The following USF3 variants were observed in gnomAD, a reference collection of about 807,000 sequenced individuals.
USF3 encodes the protein basic helix-loop-helix domain-containing protein USF3.
Under a neutral mutation model 157.5 loss-of-function variants are expected in USF3, and 29 were observed. That is an observed-to-expected ratio of 0.18 (90% CI 0.14 to 0.25). The LOEUF is 0.25. USF3 is among the 10% of genes least tolerant of loss of function. USF3 has a pLI of 1.00. For synonymous variants in USF3, 893 were observed against 941.4 expected, an observed-to-expected ratio of 0.95 and a Z score of 0.94; for missense variants, 2,381 against 2,667.6, an observed-to-expected ratio of 0.89 and a Z score of 2.37.
intron 5 of USF3, among the ~76,000 whole-genome samples, chr3:113,667,227 T>C (rs1218830289): frequency 1.3e-5 from 2 of 152,240 alleles, no homozygotes; most frequent in African/African-American, 2.4e-5. Context: ...AACAATAATC[T>C]GAACAAAGGC....
At position 113,674,879 on chromosome 3, in the gene USF3, G is replaced by T; in HGVS notation, c.-1C>A. ...TCTCATTCTCTGTCATTTCTGGCAT[G>T]GTTACAGTAATAGGAACCTACAGAA... On this transcript the variant is annotated 5_prime_UTR_variant, in exon 3 of 7. Coordinates refer to ENST00000316407, the MANE Select transcript of USF3 (RefSeq NM_001009899.4). 6.2e-7 allele frequency: 1 copy of T among 1,611,760 alleles called. No individual in the cohort carries two copies. The highest frequency in any genetic ancestry group is 8.5e-7 in the Non-Finnish European group (1 of 1,177,956).
At chr3:113,689,439 C>A (rs932811054) in intron 1 of USF3, among the ~76,000 whole-genome samples, 4 of 152,134 alleles carry the variant, frequency 2.6e-5, no homozygotes, top group African/African-American at 4.8e-5. Flanking sequence ...CTACATTTAC[C>A]GTAAATCCTA....
intron 1 of USF3, among the ~76,000 whole-genome samples, chr3:113,690,580 CTCT>C (rs1215879609): frequency 6.6e-6 from 1 of 152,186 alleles, no homozygotes; most frequent in Non-Finnish European, 1.5e-5. Flanking sequence ...CCCTTCCCTC[CTCT>C]TCAATTCAGA....
rs10686146 is a variant in USF3 at position 113,671,765 on chromosome 3, CTTT to C, written c.77-1565_77-1563del. 7.2e-3 allele frequency among the ~76,000 whole-genome samples: 816 copies of C among 113,068 alleles called. 3 individuals carry two copies. Among genetic ancestry groups the C allele is most frequent in the African/African-American group, 0.026 (754 of 29,426 alleles). 74.2% of individuals were successfully genotyped at this position (113,068 alleles called of 152,430 possible). A position where few individuals can be genotyped will look rare whatever the true frequency, so the allele number is the denominator to read the frequency against. On this transcript the variant is annotated intron_variant, in intron 4 of 6. Coordinates refer to ENST00000316407, the MANE Select transcript of USF3 (RefSeq NM_001009899.4). ...TTTCTCCTTTTTTCTTTTCTTCTTC[CTTT>C]TTTTTTTTTTTTTTTTTTGAGACAA...
chr3:113,670,504 C>G (rs1298186847), intron 4 of USF3, among the ~76,000 whole-genome samples: 1 of 151,916 alleles, frequency 6.6e-6, no homozygotes, highest in Admixed American at 6.6e-5. Context: ...GAGGCTGAGG[C>G]AGGAGAATTG....
At chr3:113,682,832 A>G (rs762565957) in intron 1 of USF3, among the ~76,000 whole-genome samples, 23 of 145,558 alleles carry the variant, frequency 1.6e-4, no homozygotes, top group Non-Finnish European at 1.5e-4. Context: ...TTTTCAGTCT[A>G]TGTGTGTCTG....
intron 1 of USF3, among the ~76,000 whole-genome samples, chr3:113,681,868 G>A (rs1365516125): frequency 6.7e-6 from 1 of 149,592 alleles, no homozygotes; most frequent in Non-Finnish European, 1.5e-5. Flanking sequence ...ACAGGTACCT[G>A]CCACCACGCC....
chr3:113,695,005 A>G (rs1707768670), intron 1 of USF3, among the ~76,000 whole-genome samples: 1 of 152,160 alleles, frequency 6.6e-6, no homozygotes, highest in Non-Finnish European at 1.5e-5. Context: ...AGATAACACC[A>G]CTGCATTCCA....
chr3:113,690,291 G>A (rs572977327), intron 1 of USF3, among the ~76,000 whole-genome samples: 30 of 152,160 alleles, frequency 2.0e-4, no homozygotes, highest in Admixed American at 9.8e-4. Flanking sequence ...CATTTTACAC[G>A]TCTGGCCTTA....
In USF3 at chr3:113,660,265, A is replaced by G. The variant is rs1947458544; in HGVS notation, c.1417T>C (p.Tyr473His). The change falls in exon 7 of 7, where the codon TAT (tyrosine) becomes CAT (histidine). Residue 473 changes from tyrosine to histidine, a missense_variant. Tyr to His is a moderately conservative substitution (Grantham distance 83). This residue lies in a region of USF3 where 1,435 missense variants were observed against 1,550.9 expected (regional missense o/e 0.93). Transcript: ENST00000316407. ...TTCAAGTTGATGTCTGTAGCCACATATCTACTGTGGTTGCTTGTGGTGGGG... is the reference window on the plus strand; with the variant it reads ...TTCAAGTTGATGTCTGTAGCCACATGTCTACTGTGGTTGCTTGTGGTGGGG... ...TSPTTSNHSRYVATDINLNNS... is the reference protein window; with the variant it reads ...TSPTTSNHSRHVATDINLNNS... 2 of 1,613,842 alleles carry G rather than the reference A, an allele frequency of 1.2e-6. No homozygotes were observed. Among genetic ancestry groups the G allele is most frequent in the African/African-American group, 2.7e-5 (2 of 74,890 alleles).
At chr3:113,667,614 C>T (rs1947590164) in intron 5 of USF3, among the ~76,000 whole-genome samples, 1 of 152,146 alleles carries the variant, frequency 6.6e-6, no homozygotes, top group Non-Finnish European at 1.5e-5. Flanking sequence ...GCATTGTAAT[C>T]CCAGCACTTT....
intron 1 of USF3, among the ~76,000 whole-genome samples, chr3:113,686,975 C>T (rs996853291): frequency 5.3e-5 from 8 of 152,060 alleles, no homozygotes; most frequent in East Asian, 1.9e-4. Flanking sequence ...CTAGCCCACA[C>T]GCAAAGCGAG....
rs1947370440 is a variant in USF3, at chr3:113,656,902, T to G, written c.4780A>C (p.Asn1594His). Residue 1594 changes from asparagine to histidine, a missense_variant, in exon 7 of 7, where the codon AAC becomes CAC. By Grantham distance (68) the Asn-to-His change is moderately conservative (BLOSUM62 1). Around this residue, in one of 6 missense-constraint regions of USF3, gnomAD observed 770 missense variants for 824.2 expected, o/e 0.93. Transcript: ENST00000316407. ...TSRNHHNHPQ[N>H]HLNQDIMHQQ... Reference sequence around the variant, plus strand: ...TGCATAATATCTTGATTGAGATGGTTCTGGGGATGGTTATGATGGTTCCGA... The same window carrying G: ...TGCATAATATCTTGATTGAGATGGTGCTGGGGATGGTTATGATGGTTCCGA... 2.5e-6 allele frequency: 4 copies of G among 1,614,180 alleles called. No individual in the cohort carries two copies. Among genetic ancestry groups the G allele is most frequent in the South Asian group, 1.1e-5 (1 of 91,078 alleles).
In USF3 at chr3:113,655,242, C is replaced by T. The variant is rs1384741310; in HGVS notation, c.6440G>A (p.Ser2147Asn). 2 of 1,614,080 alleles carry T rather than the reference C, an allele frequency of 1.2e-6. No individual in the cohort carries two copies. Among genetic ancestry groups the T allele is most frequent in the African/African-American group, 1.3e-5 (1 of 74,938 alleles). Residue 2147 changes from serine to asparagine, a missense_variant, in exon 7 of 7, where the codon AGT becomes AAT. By Grantham distance (46) the Ser-to-Asn change is conservative. This residue lies in a region of USF3 where 770 missense variants were observed against 824.2 expected (regional missense o/e 0.93). Transcript: ENST00000316407. ...AATTGATCCAAATCGGTTATTTAAA[C>T]TTCCACTGTTTACCTTCTCTGTGCT... ...NPSTEKVNSG[S>N]LNNRFGSILS...
In USF3 at chr3:113,658,878, G is replaced by A; in HGVS notation, c.2804C>T (p.Ala935Val). ...TACATTGGCTGAAGCGCAGGGTTTG[G>A]CAGCATCTGATAATGCTAAACTACT... ...PPSSLALSDA[A>V]KPCASANVLI... The change falls in exon 7 of 7, where the codon GCC becomes GTC. Residue 935 changes from alanine (A) to valine (V), a missense_variant. Ala to Val is a moderately conservative substitution (Grantham distance 64, BLOSUM62 0). Transcript: ENST00000316407. 1 of 1,614,172 alleles carries A rather than the reference G, an allele frequency of 6.2e-7. No individual in the cohort carries two copies. The highest frequency in any genetic ancestry group is 1.3e-5 in the African/African-American group (1 of 75,052).
At position 113,653,867 on chromosome 3, in the gene USF3, GATA is replaced by G. The variant is rs1947308812; in HGVS notation, c.*1074_*1076del. 1 of 151,914 alleles carries G rather than the reference GATA, an allele frequency of 6.6e-6. No homozygotes were observed. Among genetic ancestry groups the G allele is most frequent in the Non-Finnish European group, 1.5e-5 (1 of 67,996 alleles). 9.4% of individuals were successfully genotyped at this position (151,914 alleles called of 1,614,324 possible). On this transcript the variant is annotated 3_prime_UTR_variant, in exon 7 of 7. Transcript: ENST00000316407. ...TTCTCATTATAATTCTGTTATGAAGGATAATAATGAAATATACAATGCCATATT... is the reference window on the plus strand; with the variant it reads ...TTCTCATTATAATTCTGTTATGAAGGATAATGAAATATACAATGCCATATT...
rs1559705252 is a variant in USF3 at position 113,656,636 on chromosome 3, C to T, written c.5046G>A (p.Glu1682=). 1.9e-6 allele frequency: 3 copies of T among 1,614,214 alleles called. No homozygotes were observed. The highest frequency in any genetic ancestry group is 2.5e-6 in the Non-Finnish European group (3 of 1,180,038). The change falls in exon 7 of 7, where the codon GAG becomes GAA. Residue 1682 remains glutamate, a synonymous_variant. Transcript: ENST00000316407. ...ALIGKTSSNS[E]QRMGISIQGS... is the part of the protein sequence containing the mutation. ...CCTGAATTGATATCCCCATTCTCTGCTCTGAATTAGAAGATGTCTTTCCAA... is the reference window on the plus strand; with the variant it reads ...CCTGAATTGATATCCCCATTCTCTGTTCTGAATTAGAAGATGTCTTTCCAA...
rs765890279 is a variant in USF3 at position 113,660,532 on chromosome 3, T to C, written c.1150A>G (p.Ile384Val). The change falls in exon 7 of 7, where the codon ATT (isoleucine) becomes GTT (valine). Residue 384 changes from isoleucine (I) to valine (V), a missense_variant. By Grantham distance (29) the Ile-to-Val change is conservative (BLOSUM62 3). Transcript: ENST00000316407. ...SSAPGVGKAT[I>V]PISTLSGNPL... ...TTTCCCGAAAGAGTGCTTATAGGAA[T>C]GGTGGCCTTCCCTACTCCAGGGGCA... 1.8e-5 allele frequency: 29 copies of C among 1,614,082 alleles called. No individual in the cohort carries two copies. The highest frequency in any genetic ancestry group is 5.1e-6 in the Non-Finnish European group (6 of 1,180,030).
chr3:113,688,962 C>T (rs962604475), intron 1 of USF3, among the ~76,000 whole-genome samples: 21 of 152,036 alleles, frequency 1.4e-4, no homozygotes, highest in African/African-American at 3.4e-4. Flanking sequence ...ACCTGGGAGG[C>T]GGAGCTTGCA....
Sources: allele counts gnomAD v4.1 joint callset (sites outside exome capture counted in the v4.1 genomes callset), GRCh38; gene constraint gnomAD v4.1.1; regional missense constraint gnomAD v4.1.1; transcripts MANE v1.5; gene names NCBI Gene and HGNC (gene_info 2026-07-23, HGNC 2026-07-21).